CNTNAP2: variants seen among roughly 807,000 people sequenced by gnomAD.
CNTNAP2 encodes contactin-associated protein-like 2.
In CNTNAP2, 98 loss-of-function variants were observed where a neutral mutation model predicts 155.2. That is an observed-to-expected ratio of 0.63 (90% CI 0.54 to 0.75). The LOEUF (loss-of-function observed/expected upper bound fraction) is 0.75. CNTNAP2 is among the 30% of genes least tolerant of loss of function. The pLI is 0.00. For missense variants in CNTNAP2, 1,727 were observed against 1,688.1 expected, an observed-to-expected ratio of 1.02 and a Z score of -0.40; for synonymous variants, 651 against 631.2, an observed-to-expected ratio of 1.03 and a Z score of -0.47.
intron 1 of CNTNAP2, among the ~76,000 whole-genome samples, chr7:146,676,040 G>A (rs1800392784): frequency 6.6e-6 from 1 of 151,982 alleles, no homozygotes; most frequent in Non-Finnish European, 1.5e-5. Context: ...ATATAAATTT[G>A]CCCTTGATAG....
chr7:147,706,251 A>G (rs1472391526), intron 13 of CNTNAP2, among the ~76,000 whole-genome samples: 1 of 99,716 alleles, frequency 1.0e-5, no homozygotes, highest in Non-Finnish European at 2.0e-5. Flanking sequence ...TGTGGTTTTT[A>G]TGATGGTAGA....
At chr7:146,491,357 T>G (rs928575387) in intron 1 of CNTNAP2, among the ~76,000 whole-genome samples, 1 of 149,160 alleles carries the variant, frequency 6.7e-6, no homozygotes, top group African/African-American at 2.5e-5. Context: ...TGTATCATCA[T>G]GTTTTTCTTC....
chr7:148,243,790 C>A (rs28701927), intron 20 of CNTNAP2, among the ~76,000 whole-genome samples: 8 of 143,556 alleles, frequency 5.6e-5, no homozygotes, highest in Non-Finnish European at 6.1e-5. Context: ...CAACTAAAGA[C>A]AAAAAAAAAA....
At chr7:146,901,222 G>A (rs528962628) in intron 3 of CNTNAP2, among the ~76,000 whole-genome samples, 1 of 152,062 alleles carries the variant, frequency 6.6e-6, no homozygotes, top group Non-Finnish European at 1.5e-5. Context: ...ATTCTCTAGT[G>A]TGCTTAATTC....
At chr7:146,704,332 A>C (rs1460306032) in intron 1 of CNTNAP2, among the ~76,000 whole-genome samples, 1 of 152,134 alleles carries the variant, frequency 6.6e-6, no homozygotes, top group Non-Finnish European at 1.5e-5. Flanking sequence ...GATACAGAGA[A>C]GGAGAATAAG....
chr7:147,146,969 G>C (rs1239839209), intron 8 of CNTNAP2, among the ~76,000 whole-genome samples: 1 of 152,142 alleles, frequency 6.6e-6, no homozygotes, highest in Admixed American at 6.5e-5. Flanking sequence ...ATTGATGATT[G>C]TATGTGTATT....
intron 1 of CNTNAP2, among the ~76,000 whole-genome samples, chr7:146,690,181 A>G (rs1420641757): frequency 6.6e-6 from 1 of 152,070 alleles, no homozygotes; most frequent in African/African-American, 2.4e-5. Flanking sequence ...CAGTCTTCCA[A>G]CAACAGTTCA....
intron 1 of CNTNAP2, among the ~76,000 whole-genome samples, chr7:146,224,925 C>G (rs548861353): frequency 6.6e-6 from 1 of 152,070 alleles, no homozygotes; most frequent in South Asian, 2.1e-4. Context: ...CAGAAATGCC[C>G]TTTGCAGTGA....
In CNTNAP2 at chr7:148,008,321, G is replaced by A. The variant is rs796473921; in HGVS notation, c.2383+30332G>A. Among the ~76,000 whole-genome samples, 5 of 152,198 alleles carry A rather than the reference G, an allele frequency of 3.3e-5. 1 individual carries two copies. The highest frequency in any genetic ancestry group is 1.2e-4 in the African/African-American group (5 of 41,518). On this transcript the variant is annotated intron_variant, in intron 15 of 23. Transcript: ENST00000361727. ...TGGGAGGCAGAGGTTGCAGTGAGTG[G>A]AGATCACGCCACTACACTCCAGCCT...
chr7:147,608,185 AATT>A (rs1407660283), intron 12 of CNTNAP2, among the ~76,000 whole-genome samples: 1 of 146,384 alleles, frequency 6.8e-6, no homozygotes, highest in African/African-American at 2.6e-5. Flanking sequence ...ACCATAGAAT[AATT>A]ATTATCTTAC....
intron 3 of CNTNAP2, among the ~76,000 whole-genome samples, chr7:146,977,662 T>C (rs147559007): frequency 2.6e-5 from 4 of 152,186 alleles, no homozygotes; most frequent in Non-Finnish European, 4.4e-5. Context: ...TAATATGCAT[T>C]GAAAAACTGG....
At chr7:146,922,536 G>A (rs1796524794) in intron 3 of CNTNAP2, among the ~76,000 whole-genome samples, 1 of 152,036 alleles carries the variant, frequency 6.6e-6, no homozygotes, top group East Asian at 1.9e-4. Context: ...AAAAGGTAAA[G>A]AAAACAATGA....
At position 146,358,484 on chromosome 7, in the gene CNTNAP2, T is replaced by G. The variant is rs114831827; in HGVS notation, c.97+241511T>G. Among the ~76,000 whole-genome samples the G allele has an allele frequency of 8.9e-3, 1,358 of 152,292 alleles. 20 individuals carry two copies. Among genetic ancestry groups the G allele is most frequent in the African/African-American group, 0.031 (1,294 of 41,578 alleles). On this transcript the variant is annotated intron_variant, in intron 1 of 23. Coordinates refer to ENST00000361727, the MANE Select transcript of CNTNAP2 (RefSeq NM_014141.6). ...CTCAAGAAAACTTCTAAATAAAACT[T>G]ACTTCCATTCTTTAAAAACTTAATT...
At chr7:147,325,801 A>T (rs775188443) in intron 9 of CNTNAP2, among the ~76,000 whole-genome samples, 41 of 152,222 alleles carry the variant, frequency 2.7e-4, no homozygotes, top group Non-Finnish European at 4.7e-4. Context: ...TTACCTTGTT[A>T]TATGACCATC....
intron 17 of CNTNAP2, among the ~76,000 whole-genome samples, chr7:148,162,242 G>C (rs187817213): frequency 1.5e-3 from 235 of 152,288 alleles, no homozygotes; most frequent in African/African-American, 5.2e-3. Context: ...TCACCAGCAG[G>C]ACACTTAATA....
intron 1 of CNTNAP2, among the ~76,000 whole-genome samples, chr7:146,483,462 G>A (rs539849428): frequency 4.3e-4 from 65 of 149,622 alleles, no homozygotes; most frequent in African/African-American, 1.5e-3. Flanking sequence ...TCAAGAGCTG[G>A]TTTCTAACAC....
chr7:147,258,818 C>A (rs1045154662), intron 8 of CNTNAP2, among the ~76,000 whole-genome samples: 4 of 152,156 alleles, frequency 2.6e-5, no homozygotes, highest in East Asian at 1.9e-4. Context: ...ATGCTGTCTT[C>A]AATAATTCCA....
At chr7:148,386,589 G>A (rs1256486299) in intron 22 of CNTNAP2, among the ~76,000 whole-genome samples, 1 of 152,138 alleles carries the variant, frequency 6.6e-6, no homozygotes, top group African/African-American at 2.4e-5. Flanking sequence ...TCCTCTTTTA[G>A]GTGAATAGGA....
intron 1 of CNTNAP2, among the ~76,000 whole-genome samples, chr7:146,673,885 G>A (rs2642512): frequency 0.81 from 122,573 of 151,632 alleles, 50,138 homozygotes; most frequent in South Asian, 0.91. Context: ...ACCTGCTGGA[G>A]CACTAATTTC....
Sources: allele counts gnomAD v4.1 joint callset (sites outside exome capture counted in the v4.1 genomes callset), GRCh38; gene constraint gnomAD v4.1.1; transcripts MANE v1.5; gene names NCBI Gene and HGNC (gene_info 2026-07-23, HGNC 2026-07-21).